The following AGBL4 variants were observed in gnomAD, a reference collection of about 807,000 sequenced individuals.
AGBL4 encodes cytosolic carboxypeptidase 6.
Under a neutral mutation model 66.4 loss-of-function variants are expected in AGBL4, and 58 were observed. The ratio of observed to expected loss-of-function variants is 0.87; its 90% CI spans 0.71 to 1.09. AGBL4 has a LOEUF of 1.09. Among genes scored for constraint, AGBL4 ranks in the 50% least tolerant of loss-of-function variants. The pLI is 0.00. For synonymous variants in AGBL4, 234 were observed against 222.9 expected, an observed-to-expected ratio of 1.05 and a Z score of -0.44; for missense variants, 579 against 631.0, an observed-to-expected ratio of 0.92 and a Z score of 0.88.
intron 3 of AGBL4, among the ~76,000 whole-genome samples, chr1:49,568,487 T>TCACACACA (rs71059555): frequency 0.11 from 14,493 of 131,058 alleles, 856 homozygotes; most frequent in African/African-American, 0.15. Context: ...AAATAAGTGA[T>TCACACACA]CACACACACA....
At chr1:48,960,479 G>C (rs536518040) in intron 5 of AGBL4, among the ~76,000 whole-genome samples, 1 of 152,278 alleles carries the variant, frequency 6.6e-6, no homozygotes, top group Non-Finnish European at 1.5e-5. Flanking sequence ...GGTATTTTAA[G>C]CCATGAGAGT....
At chr1:49,116,991 A>G (rs1037145862) in intron 4 of AGBL4, among the ~76,000 whole-genome samples, 12 of 151,288 alleles carry the variant, frequency 7.9e-5, no homozygotes, top group Admixed American at 7.2e-4. Flanking sequence ...GCATTTTTTC[A>G]TGTGTCTGTT....
At chr1:49,763,512 T>C (rs1166683212) in intron 2 of AGBL4, among the ~76,000 whole-genome samples, 3 of 152,142 alleles carry the variant, frequency 2.0e-5, no homozygotes, top group African/African-American at 4.8e-5. Context: ...AGAGATTACA[T>C]TGGGATTCAC....
intron 1 of AGBL4, among the ~76,000 whole-genome samples, chr1:49,991,556 C>T (rs1186152622): frequency 1.3e-5 from 2 of 152,172 alleles, no homozygotes; most frequent in Admixed American, 6.5e-5. Flanking sequence ...ACCATACACA[C>T]TTTCATCAGT....
At chr1:48,580,973 G>A (rs931386281) in intron 11 of AGBL4, among the ~76,000 whole-genome samples, 15 of 151,990 alleles carry the variant, frequency 9.9e-5, no homozygotes, top group African/African-American at 3.1e-4. Context: ...CTTCCTCCAC[G>A]AAGCCTTTCT....
intron 4 of AGBL4, among the ~76,000 whole-genome samples, chr1:49,173,410 A>G (rs1261852185): frequency 6.6e-6 from 1 of 152,168 alleles, no homozygotes; most frequent in African/African-American, 2.4e-5. Flanking sequence ...ATTTGAACCC[A>G]GTCTATCTGT....
At chr1:48,955,296 T>C (rs1483463759) in intron 5 of AGBL4, among the ~76,000 whole-genome samples, 1 of 152,208 alleles carries the variant, frequency 6.6e-6, no homozygotes, top group Non-Finnish European at 1.5e-5. Context: ...GTCACCCTTA[T>C]GGGTAATGCT....
chr1:49,737,588 T>A (rs561250092), intron 2 of AGBL4, among the ~76,000 whole-genome samples: 8 of 152,078 alleles, frequency 5.3e-5, no homozygotes, highest in Admixed American at 1.3e-4. Flanking sequence ...TCTGTGGTCA[T>A]TGGTGATGGG....
At chr1:49,267,631 G>T (rs568514978) in intron 3 of AGBL4, among the ~76,000 whole-genome samples, 1 of 151,882 alleles carries the variant, frequency 6.6e-6, no homozygotes, top group Non-Finnish European at 1.5e-5. Flanking sequence ...AGTGAGCTGA[G>T]ATCACACCAC....
intron 5 of AGBL4, among the ~76,000 whole-genome samples, chr1:48,945,321 G>A (rs1656406099): frequency 6.6e-6 from 1 of 152,136 alleles, no homozygotes; most frequent in Admixed American, 6.5e-5. Flanking sequence ...GACACGGTTT[G>A]GAAATAGCAG....
intron 3 of AGBL4, among the ~76,000 whole-genome samples, chr1:49,258,269 G>A (rs1460211784): frequency 4.6e-5 from 7 of 152,154 alleles, no homozygotes; most frequent in Non-Finnish European, 7.4e-5. Flanking sequence ...CCAAAGGAAC[G>A]CAGTTCCTCA....
chr1:49,728,558 G>A (rs980542315), intron 2 of AGBL4, among the ~76,000 whole-genome samples: 1 of 152,144 alleles, frequency 6.6e-6, no homozygotes, highest in Non-Finnish European at 1.5e-5. Context: ...AAATGATACA[G>A]GAAACAAGTT....
intron 2 of AGBL4, among the ~76,000 whole-genome samples, chr1:49,813,953 GA>G (rs1209718879): frequency 2.0e-5 from 3 of 152,180 alleles, no homozygotes; most frequent in African/African-American, 7.2e-5. Context: ...TCATGATAGT[GA>G]ATATGTCTCA....
chr1:48,700,122 T>G (rs1299825117), intron 6 of AGBL4, among the ~76,000 whole-genome samples: 4 of 152,146 alleles, frequency 2.6e-5, no homozygotes, highest in African/African-American at 9.7e-5. Context: ...TCCCTTCCCC[T>G]TGCCTCCACC....
intron 3 of AGBL4, among the ~76,000 whole-genome samples, chr1:49,595,569 G>C (rs1644836771): frequency 6.6e-6 from 1 of 151,762 alleles, no homozygotes; most frequent in African/African-American, 2.4e-5. Flanking sequence ...GTAGGGCTTA[G>C]AGAGTCATTG....
intron 6 of AGBL4, among the ~76,000 whole-genome samples, chr1:48,752,743 A>G (rs1325587561): frequency 6.6e-6 from 1 of 151,852 alleles, no homozygotes; most frequent in East Asian, 1.9e-4. Context: ...ACTTTACTGC[A>G]TTTATTCATT....
chr1:48,609,312 A>G (rs1219828154), intron 9 of AGBL4, among the ~76,000 whole-genome samples: 1 of 152,150 alleles, frequency 6.6e-6, no homozygotes, highest in Non-Finnish European at 1.5e-5. Flanking sequence ...CTACCACAAA[A>G]AGCCTTCATG....
chr1:49,127,515 C>T lies in AGBL4; in HGVS notation c.378-81715G>A, dbSNP rs548609950. On this transcript the variant is annotated intron_variant, in intron 4 of 13. Transcript: ENST00000371839. The stretch of plus-strand genomic sequence containing the variant: ...AATGAGGGGTAGTTTTGAGAGGAGA[C>T]ATCTTTGCAGAAAAAGAGCTTCAGA... Among the ~76,000 whole-genome samples, 15 of 152,164 alleles carry T rather than the reference C, an allele frequency of 9.9e-5. No homozygotes were observed. In the South Asian group the frequency reaches 2.7e-3, roughly 27 times the overall value.
intron 2 of AGBL4, among the ~76,000 whole-genome samples, chr1:49,825,316 C>T (rs1325315142): frequency 6.6e-6 from 1 of 152,132 alleles, no homozygotes; most frequent in Non-Finnish European, 1.5e-5. Flanking sequence ...GAATAGGACA[C>T]AAGAAGAAGG....
Sources: gnomAD v4.1 joint callset for allele counts (sites outside exome capture counted in the v4.1 genomes callset) on GRCh38, gnomAD v4.1.1 for gene constraint, MANE v1.5 for transcripts, NCBI Gene and HGNC (gene_info 2026-07-23, HGNC 2026-07-21) for gene names.